Variants in OPCML observed in about 807,000 individuals in gnomAD.
OPCML encodes the protein opioid binding protein/cell adhesion molecule like, also known as opioid-binding protein/cell adhesion molecule.
OPCML carries 13 observed loss-of-function variants against 37.8 expected under a neutral mutation model. The ratio of observed to expected loss-of-function variants is 0.34; its 90% CI spans 0.22 to 0.55. OPCML has a LOEUF of 0.55. OPCML is among the 20% of genes least tolerant of loss of function. OPCML has a pLI of 0.91. For missense variants in OPCML, 341 were observed against 435.6 expected, an observed-to-expected ratio of 0.78 and a Z score of 1.93; for synonymous variants, 176 against 168.8, an observed-to-expected ratio of 1.04 and a Z score of -0.33.
intron 2 of OPCML, among the ~76,000 whole-genome samples, chr11:132,681,452 G>A (rs73599305): frequency 0.026 from 3,971 of 152,182 alleles, 191 homozygotes; most frequent in African/African-American, 0.092. Context: ...ACAGCTTGAT[G>A]GCATTTTTTC....
intron 2 of OPCML, among the ~76,000 whole-genome samples, chr11:132,686,050 T>C (rs1943148760): frequency 6.6e-6 from 1 of 152,214 alleles, no homozygotes; most frequent in African/African-American, 2.4e-5. Flanking sequence ...CATTGCATTG[T>C]CTGCCTCACC....
At chr11:132,494,639 T>C (rs1251226154) in intron 4 of OPCML, among the ~76,000 whole-genome samples, 1 of 152,232 alleles carries the variant, frequency 6.6e-6, no homozygotes, top group Non-Finnish European at 1.5e-5. Context: ...ACTCTAGAAT[T>C]TTTATCTTGC....
At chr11:133,338,686 T>C (rs1438331969) in intron 1 of OPCML, among the ~76,000 whole-genome samples, 1 of 152,228 alleles carries the variant, frequency 6.6e-6, no homozygotes, top group Non-Finnish European at 1.5e-5. Flanking sequence ...TGCCTCATTC[T>C]AGCCTGCCAA....
intron 1 of OPCML, among the ~76,000 whole-genome samples, chr11:133,219,998 T>C (rs1313304799): frequency 6.6e-6 from 1 of 152,236 alleles, no homozygotes; most frequent in East Asian, 1.9e-4. Flanking sequence ...ATCTTTTCTA[T>C]TTAATGTTAA....
At chr11:132,625,726 T>C (rs1939700610) in intron 3 of OPCML, among the ~76,000 whole-genome samples, 1 of 152,144 alleles carries the variant, frequency 6.6e-6, no homozygotes, top group African/African-American at 2.4e-5. Context: ...ATGATGTCTC[T>C]TATTTCTGCA....
intron 2 of OPCML, among the ~76,000 whole-genome samples, chr11:132,732,223 T>C (rs749620716): frequency 2.0e-5 from 3 of 152,082 alleles, no homozygotes; most frequent in Non-Finnish European, 1.5e-5. Context: ...ACTACAGAAG[T>C]TGGAAGAGAG....
chr11:133,106,091 G>A (rs1187214688), intron 1 of OPCML, among the ~76,000 whole-genome samples: 1 of 152,054 alleles, frequency 6.6e-6, no homozygotes, highest in African/African-American at 2.4e-5. Flanking sequence ...TACAGATCTG[G>A]CCAAACTGAA....
intron 1 of OPCML, among the ~76,000 whole-genome samples, chr11:133,186,351 A>G (rs1487784684): frequency 6.6e-6 from 1 of 152,162 alleles, no homozygotes; most frequent in African/African-American, 2.4e-5. Flanking sequence ...TCAGTCTGAG[A>G]TGCTTATTGA....
intron 3 of OPCML, among the ~76,000 whole-genome samples, chr11:132,633,387 T>G (rs2135700355): frequency 6.6e-6 from 1 of 152,164 alleles, no homozygotes; most frequent in Non-Finnish European, 1.5e-5. Context: ...TCAGAACAAC[T>G]TGAGAGACAA....
chr11:133,039,800 C>A (rs543010742), intron 1 of OPCML, among the ~76,000 whole-genome samples: 1 of 152,028 alleles, frequency 6.6e-6, no homozygotes, highest in Non-Finnish European at 1.5e-5. Context: ...GAGGCCAAGG[C>A]GGGCACATCA....
At chr11:132,786,275 C>T (rs569467116) in intron 2 of OPCML, among the ~76,000 whole-genome samples, 4 of 152,202 alleles carry the variant, frequency 2.6e-5, no homozygotes, top group African/African-American at 4.8e-5. Context: ...AAAGCTGAAA[C>T]GATTTCATAG....
At chr11:132,424,396 G>C (rs923151284) in intron 7 of OPCML, among the ~76,000 whole-genome samples, 1 of 152,186 alleles carries the variant, frequency 6.6e-6, no homozygotes, top group African/African-American at 2.4e-5. Flanking sequence ...GGGGATTACA[G>C]GTGTAAGCCA....
intron 2 of OPCML, among the ~76,000 whole-genome samples, chr11:132,918,161 G>A (rs1050547829): frequency 5.3e-5 from 8 of 152,082 alleles, no homozygotes; most frequent in East Asian, 3.9e-4. Context: ...TTTATAATGC[G>A]ATTTTTAACA....
At chr11:133,121,857 G>T (rs576222419) in intron 1 of OPCML, among the ~76,000 whole-genome samples, 2 of 152,084 alleles carry the variant, frequency 1.3e-5, no homozygotes, top group African/African-American at 2.4e-5. Context: ...TTTGACAAGT[G>T]GTTTCAGAAA....
At chr11:132,808,363 C>T (rs1483957117) in intron 2 of OPCML, among the ~76,000 whole-genome samples, 2 of 152,284 alleles carry the variant, frequency 1.3e-5, no homozygotes, top group Middle Eastern at 6.8e-3. Flanking sequence ...AAATTCCTGG[C>T]AGTGGGAACA....
At chr11:132,630,483 A>G (rs760311009) in intron 3 of OPCML, among the ~76,000 whole-genome samples, 10 of 152,090 alleles carry the variant, frequency 6.6e-5, no homozygotes, top group Admixed American at 3.9e-4. Context: ...AATATGAGAG[A>G]ATGTATTTGT....
At chr11:132,421,900 C>T (rs1225258649) in intron 7 of OPCML, among the ~76,000 whole-genome samples, 1 of 152,056 alleles carries the variant, frequency 6.6e-6, no homozygotes, top group Non-Finnish European at 1.5e-5. Context: ...TAATTCTCTA[C>T]ATATTGTCTT....
At chr11:133,402,668 G>A (rs1214298702) in intron 1 of OPCML, among the ~76,000 whole-genome samples, 1 of 152,184 alleles carries the variant, frequency 6.6e-6, no homozygotes, top group African/African-American at 2.4e-5. Flanking sequence ...GCCAGACCAA[G>A]ACAGAAAGCA....
intron 1 of OPCML, among the ~76,000 whole-genome samples, chr11:133,158,475 G>A (rs907655187): frequency 4.6e-5 from 7 of 152,070 alleles, no homozygotes; most frequent in African/African-American, 1.7e-4. Flanking sequence ...GCTGAGGCGG[G>A]AGGATCACGA....
Sources: gnomAD v4.1 joint callset for allele counts (sites outside exome capture counted in the v4.1 genomes callset) on GRCh38, gnomAD v4.1.1 for gene constraint, MANE v1.5 for transcripts, NCBI Gene and HGNC (gene_info 2026-07-23, HGNC 2026-07-21) for gene names.